CAMK4: variants seen among roughly 807,000 people sequenced by gnomAD.
The protein encoded by CAMK4 is calcium/calmodulin-dependent protein kinase type IV.
A neutral mutation model predicts 44.9 loss-of-function variants in CAMK4; 22 were observed. That is an observed-to-expected ratio of 0.49 (90% CI 0.35 to 0.70). The LOEUF (loss-of-function observed/expected upper bound fraction) is 0.70. Among genes scored for constraint, CAMK4 ranks in the 30% least tolerant of loss-of-function variants. The pLI, the probability that CAMK4 is intolerant of heterozygous loss-of-function variation, is 0.01. For synonymous variants in CAMK4, 218 were observed against 215.4 expected (o/e 1.01, Z -0.11); for missense variants, 498 against 586.8 (o/e 0.85, Z 1.56).
intron 7 of CAMK4, among the ~76,000 whole-genome samples, chr5:111,464,086 T>TA (rs973055539): frequency 9.4e-5 from 14 of 149,416 alleles, no homozygotes; most frequent in African/African-American, 2.5e-4. Flanking sequence ...TTAAATGAAA[T>TA]AAAAAAAATG....
intron 1 of CAMK4, among the ~76,000 whole-genome samples, chr5:111,288,247 G>C (rs1751315489): frequency 6.6e-6 from 1 of 152,010 alleles, no homozygotes; most frequent in Non-Finnish European, 1.5e-5. Flanking sequence ...CCACATTTTA[G>C]CTGTTACAAA....
intron 5 of CAMK4, among the ~76,000 whole-genome samples, chr5:111,425,879 G>A (rs1290240595): frequency 6.6e-6 from 1 of 152,030 alleles, no homozygotes; most frequent in Non-Finnish European, 1.5e-5. Context: ...AATGTATCAC[G>A]AGTTCTAAAG....
chr5:111,254,644 C>T (rs545104857), intron 1 of CAMK4, among the ~76,000 whole-genome samples: 4 of 152,310 alleles, frequency 2.6e-5, no homozygotes, highest in African/African-American at 9.6e-5. Context: ...AATCTTCCTG[C>T]ACATCCCATC....
intron 5 of CAMK4, among the ~76,000 whole-genome samples, chr5:111,415,221 C>T (rs528662180): frequency 3.9e-5 from 6 of 152,134 alleles, no homozygotes; most frequent in Admixed American, 1.3e-4. Flanking sequence ...TGAAATTTTG[C>T]GCCTCTGGCT....
chr5:111,332,994 T>A (rs1202477129), intron 1 of CAMK4, among the ~76,000 whole-genome samples: 1 of 151,608 alleles, frequency 6.6e-6, no homozygotes, highest in African/African-American at 2.4e-5. Flanking sequence ...TAATCAACAA[T>A]AATAGATATC....
At chr5:111,406,416 G>A (rs889035529) in intron 5 of CAMK4, among the ~76,000 whole-genome samples, 4 of 151,942 alleles carry the variant, frequency 2.6e-5, no homozygotes, top group African/African-American at 7.3e-5. Context: ...TAGAGACGAG[G>A]TTTCACCATG....
At position 111,393,534 on chromosome 5, in the gene CAMK4, C is replaced by A. The variant is rs114697119; in HGVS notation, c.387-1176C>A. On this transcript the variant is annotated intron_variant, in intron 4 of 10. Coordinates refer to ENST00000282356, the MANE Select transcript of CAMK4 (RefSeq NM_001744.6). Reference sequence around the variant, plus strand: ...ACAGAAAATGTACATATACACCATGCAATACTATGTAGCCATAAAAAGAAA... The same window carrying A: ...ACAGAAAATGTACATATACACCATGAAATACTATGTAGCCATAAAAAGAAA... Among the ~76,000 whole-genome samples the A allele has an allele frequency of 6.2e-3, 948 of 152,096 alleles. 4 individuals are homozygous for A. The highest frequency in any genetic ancestry group is 0.021 in the African/African-American group (879 of 41,502).
chr5:111,228,008 C>T (rs1748280375), intron 1 of CAMK4, among the ~76,000 whole-genome samples: 1 of 152,160 alleles, frequency 6.6e-6, no homozygotes, highest in Non-Finnish European at 1.5e-5. Context: ...GGTCCAGATC[C>T]CGCCCAGTGG....
intron 1 of CAMK4, among the ~76,000 whole-genome samples, chr5:111,242,051 C>T (rs531982684): frequency 1.3e-5 from 2 of 152,308 alleles, no homozygotes; most frequent in East Asian, 3.9e-4. Flanking sequence ...GCAACTTTGA[C>T]ACAGGCTATT....
chr5:111,327,575 A>T (rs1186495236), intron 1 of CAMK4, among the ~76,000 whole-genome samples: 3 of 152,056 alleles, frequency 2.0e-5, no homozygotes, highest in African/African-American at 7.2e-5. Flanking sequence ...ATCCCTGAGG[A>T]ATCGCCACAC....
intron 1 of CAMK4, among the ~76,000 whole-genome samples, chr5:111,322,859 T>C (rs1395353489): frequency 3.3e-5 from 5 of 152,126 alleles, no homozygotes; most frequent in Non-Finnish European, 7.4e-5. Flanking sequence ...AAGTACATTA[T>C]ATGAAATTTA....
intron 8 of CAMK4, among the ~76,000 whole-genome samples, chr5:111,477,250 C>T (rs1208126951): frequency 1.3e-5 from 2 of 152,202 alleles, no homozygotes; most frequent in Non-Finnish European, 2.9e-5. Context: ...ATTTTTCTCA[C>T]TGGCTCCAGA....
Position 111,423,596 on chromosome 5 carries a change from T to G in CAMK4, c.460-23090T>G, listed in dbSNP as rs547394401. 1.4e-3 allele frequency among the ~76,000 whole-genome samples: 218 copies of G among 152,352 alleles called. 1 individual carries two copies. The highest frequency in any genetic ancestry group is 4.9e-3 in the African/African-American group (202 of 41,584). ...TGCAGAAAATTAGCCACACTCAAGA[T>G]TTAATGGCTCTCGATCCTGCAGATT... is the stretch of plus-strand genomic sequence containing the variant. On this transcript the variant is annotated intron_variant, in intron 5 of 10. Transcript: ENST00000282356.
chr5:111,357,807 C>T (rs1242817731), intron 2 of CAMK4, among the ~76,000 whole-genome samples: 1 of 152,082 alleles, frequency 6.6e-6, no homozygotes, highest in East Asian at 1.9e-4. Flanking sequence ...TTGTTAAACA[C>T]TATGTAATGT....
chr5:111,295,814 T>C (rs1417705742), intron 1 of CAMK4, among the ~76,000 whole-genome samples: 3 of 152,166 alleles, frequency 2.0e-5, no homozygotes, highest in Admixed American at 6.5e-5. Context: ...CAAGGACAAT[T>C]TGAACAAATA....
intron 1 of CAMK4, among the ~76,000 whole-genome samples, chr5:111,262,054 C>T (rs143298491): frequency 6.6e-6 from 1 of 151,880 alleles, no homozygotes; most frequent in East Asian, 1.9e-4. Flanking sequence ...TCACTAGCAC[C>T]TTACATGGGT....
At chr5:111,430,052 G>A (rs570592687) in intron 5 of CAMK4, among the ~76,000 whole-genome samples, 1 of 152,050 alleles carries the variant, frequency 6.6e-6, no homozygotes, top group African/African-American at 2.4e-5. Context: ...GATGAACATT[G>A]ATGCAAAAAT....
At chr5:111,374,222 T>C (rs1339567038) in intron 2 of CAMK4, among the ~76,000 whole-genome samples, 1 of 152,188 alleles carries the variant, frequency 6.6e-6, no homozygotes, top group Non-Finnish European at 1.5e-5. Context: ...GGCCTCATTT[T>C]AATAAAGTGG....
At chr5:111,367,931 T>A (rs1470168) in intron 2 of CAMK4, among the ~76,000 whole-genome samples, 54,949 of 151,812 alleles carry the variant, frequency 0.36, 10,897 homozygotes, top group South Asian at 0.51. Context: ...CTCATTAGGA[T>A]GTTTGGTGCT....
Sources: gnomAD v4.1 joint callset for allele counts (sites outside exome capture counted in the v4.1 genomes callset) on GRCh38, gnomAD v4.1.1 for gene constraint, MANE v1.5 for transcripts, NCBI Gene and HGNC (gene_info 2026-07-23, HGNC 2026-07-21) for gene names.